The following TSTD2 variants were observed in gnomAD, a reference collection of about 807,000 sequenced individuals.
TSTD2 encodes thiosulfate sulfurtransferase/rhodanese-like domain-containing protein 2.
In TSTD2, 37 loss-of-function variants were observed where a neutral mutation model predicts 47.9. The ratio of observed to expected loss-of-function variants is 0.77; its 90% CI spans 0.59 to 1.02. The LOEUF (loss-of-function observed/expected upper bound fraction) is 1.02, where lower values mean the gene tolerates loss of function less well. Ranked by LOEUF, TSTD2 falls within the 50% of genes least tolerant of loss-of-function variation. The probability of loss-of-function intolerance (pLI) is 0.00; values close to 1 mark genes in which losing one functional copy is unlikely to be tolerated. For synonymous variants in TSTD2, 201 were observed against 215.9 expected (o/e 0.93, Z 0.61); for missense variants, 586 against 616.0 (o/e 0.95, Z 0.52).
chr9:97,621,752 T>C (rs1826640941), intron 3 of TSTD2, among the ~76,000 whole-genome samples: 1 of 152,176 alleles, frequency 6.6e-6, no homozygotes, highest in African/African-American at 2.4e-5. Flanking sequence ...CCTGTTAAGA[T>C]GTTTATTAAA....
intron 3 of TSTD2, among the ~76,000 whole-genome samples, chr9:97,621,304 T>G (rs1006080973): frequency 2.0e-5 from 3 of 152,188 alleles, no homozygotes; most frequent in African/African-American, 7.2e-5. Context: ...AAGCTGAGGA[T>G]GTATGTCGCC....
At chr9:97,628,128 T>C (rs1826752506) in intron 1 of TSTD2, among the ~76,000 whole-genome samples, 1 of 152,200 alleles carries the variant, frequency 6.6e-6, no homozygotes, top group Admixed American at 6.5e-5. Flanking sequence ...TATAAACACT[T>C]TCTTCTTTTT....
chr9:97,602,992 T>C (rs1476810447), intron 9 of TSTD2: 3 of 457,418 alleles, frequency 6.6e-6, no homozygotes, highest in Non-Finnish European at 1.2e-5. Flanking sequence ...CTTCCAGTAT[T>C]TACTGACTTT....
At chr9:97,631,827 G>A (rs1826821806) in intron 1 of TSTD2, among the ~76,000 whole-genome samples, 1 of 149,562 alleles carries the variant, frequency 6.7e-6, no homozygotes, top group Non-Finnish European at 1.5e-5. Context: ...CTGGGCAACA[G>A]AGCGAGACCC....
rs569152679 is a variant in TSTD2 at position 97,617,126 on chromosome 9, T to C, written c.603+631A>G. Among the ~76,000 whole-genome samples, 14 of 152,138 alleles carry C rather than the reference T, an allele frequency of 9.2e-5. No homozygotes were observed. The East Asian group carries it at 2.1e-3, about 23-fold the overall frequency. On this transcript the variant is annotated intron_variant, in intron 4 of 9. Transcript: ENST00000341170. ...CTTTGAAAAGCAGAAAGGGATAGAA[T>C]GTGATGAGATCTGGAGAGGACTACT...
chr9:97,601,561 C>A lies in TSTD2; in HGVS notation c.*908G>T. On this transcript the variant is annotated 3_prime_UTR_variant, in exon 10 of 10. Coordinates refer to ENST00000341170, the MANE Select transcript of TSTD2 (RefSeq NM_139246.5). ...GCCACATCTTTAAGGCCACCTCTGCCTCTATCAGATGAGCTGCTGGTCTAG... is the reference window on the plus strand; with the variant it reads ...GCCACATCTTTAAGGCCACCTCTGCATCTATCAGATGAGCTGCTGGTCTAG... 1.0e-6 allele frequency: 1 copy of A among 988,378 alleles called. No individual in the cohort carries two copies. Among genetic ancestry groups the A allele is most frequent in the Non-Finnish European group, 1.2e-6 (1 of 831,884 alleles). The allele number at this position is 988,378 out of a possible 1,614,324, so 61.2% of individuals were successfully genotyped here. A position where few individuals can be genotyped will look rare whatever the true frequency, so the allele number is the denominator to read the frequency against.
At chr9:97,627,747 G>A in intron 1 of TSTD2, 135 bp from the exon 2 acceptor site, 2 of 528,054 alleles carry the variant, frequency 3.8e-6, no homozygotes, top group Non-Finnish European at 6.6e-6. Flanking sequence ...TAAATCAATA[G>A]TATTTACTTA....
chr9:97,621,437 G>A (rs1282271298), intron 3 of TSTD2, among the ~76,000 whole-genome samples: 2 of 152,194 alleles, frequency 1.3e-5, no homozygotes, highest in African/African-American at 4.8e-5. Context: ...GGGCACAAGG[G>A]AGGTAACTAT....
Position 97,600,507 on chromosome 9 carries a change from A to T in TSTD2, c.*1962T>A. On this transcript the variant is annotated 3_prime_UTR_variant, in exon 10 of 10. Transcript: ENST00000341170. ...TGGATGTGAAAATCTACGGCCAAAT[A>T]CTTTTGAAAACACCTTTCTATATTG... The T allele has an allele frequency of 2.0e-6, 2 of 985,626 alleles. No homozygotes were observed. Among genetic ancestry groups the T allele is most frequent in the Non-Finnish European group, 2.4e-6 (2 of 830,104 alleles). 61.1% of individuals were successfully genotyped at this position (985,626 alleles called of 1,614,324 possible).
chr9:97,603,169 A>C, intron 9 of TSTD2: 2 of 184,900 alleles, frequency 1.1e-5, no homozygotes, highest in Non-Finnish European at 2.5e-5. Context: ...ACACCTAAAT[A>C]CAGGCGATAA....
chr9:97,624,119 T>C (rs943763239), intron 3 of TSTD2, among the ~76,000 whole-genome samples: 3 of 152,312 alleles, frequency 2.0e-5, no homozygotes, highest in African/African-American at 4.8e-5. Context: ...TGATCCCTGA[T>C]GATCCTGCCT....
At chr9:97,617,050 G>A (rs2131312231) in intron 4 of TSTD2, among the ~76,000 whole-genome samples, 3 of 152,274 alleles carry the variant, frequency 2.0e-5, no homozygotes, top group Middle Eastern at 6.8e-3. Context: ...CAAAGTTACT[G>A]TCCTCATGAA....
chr9:97,632,686 G>T (rs375092731), intron 1 of TSTD2, among the ~76,000 whole-genome samples: 1 of 152,158 alleles, frequency 6.6e-6, no homozygotes, highest in South Asian at 2.1e-4. Flanking sequence ...CCGCCCGGCC[G>T]TCATAGGAGA....
chr9:97,603,167 A>C, intron 9 of TSTD2: 1 of 188,908 alleles, frequency 5.3e-6, no homozygotes, highest in Non-Finnish European at 1.2e-5. Flanking sequence ...ACACACCTAA[A>C]TACAGGCGAT....
In TSTD2 at chr9:97,627,422, C is replaced by CT; in HGVS notation, c.140dup (p.Lys48GlufsTer26). 1.2e-6 allele frequency: 2 copies of CT among 1,600,652 alleles called. No individual in the cohort carries two copies. The highest frequency in any genetic ancestry group is 1.7e-6 in the Non-Finnish European group (2 of 1,171,946). The stretch of plus-strand genomic sequence containing the variant: ...CCTTTTTCTTTGCAAACGAGTATTT[C>CT]TTTTTTGTACTGCCATCTAATTCTG... On this transcript the variant is annotated frameshift_variant, in exon 2 of 10. Coordinates refer to ENST00000341170, the MANE Select transcript of TSTD2 (RefSeq NM_139246.5). LOFTEE classifies it high-confidence loss of function.
chr9:97,601,355 A>C lies in TSTD2; in HGVS notation c.*1114T>G. 8.9e-7 allele frequency: 1 copy of C among 1,122,864 alleles called. No individual in the cohort carries two copies. The highest frequency in any genetic ancestry group is 1.1e-6 in the Non-Finnish European group (1 of 905,512). 69.6% of individuals were successfully genotyped at this position (1,122,864 alleles called of 1,614,324 possible). On this transcript the variant is annotated 3_prime_UTR_variant, in exon 10 of 10. Transcript: ENST00000341170. ...CACCATGGCAGTGCTGGATGACCTC[A>C]GTAAGAATGTGTCATGTATTCCAGG...
At chr9:97,628,527 T>C (rs541851361) in intron 1 of TSTD2, among the ~76,000 whole-genome samples, 1 of 152,194 alleles carries the variant, frequency 6.6e-6, no homozygotes, top group East Asian at 1.9e-4. Context: ...CAAACTAGGG[T>C]TCAATGAATG....
At chr9:97,618,375 C>T (rs528154513) in intron 3 of TSTD2, among the ~76,000 whole-genome samples, 96 of 152,306 alleles carry the variant, frequency 6.3e-4, no homozygotes, top group Non-Finnish European at 1.2e-3. Flanking sequence ...AGGACCTAAA[C>T]GCCAGTCTTC....
intron 2 of TSTD2, among the ~76,000 whole-genome samples, chr9:97,626,198 T>C (rs115864181): frequency 6.6e-6 from 1 of 150,774 alleles, no homozygotes; most frequent in Non-Finnish European, 1.5e-5. Flanking sequence ...AAAACTAGGC[T>C]TTATATTGAG....
Sources: gnomAD v4.1 joint callset for allele counts (sites outside exome capture counted in the v4.1 genomes callset) on GRCh38, gnomAD v4.1.1 for gene constraint, MANE v1.5 for transcripts, NCBI Gene and HGNC (gene_info 2026-07-23, HGNC 2026-07-21) for gene names.